Variants in DGKB observed in about 807,000 individuals in gnomAD.
DGKB encodes the protein diacylglycerol kinase beta.
In DGKB, 67 loss-of-function variants were observed where a neutral mutation model predicts 114.3. That is an observed-to-expected ratio of 0.59 (90% confidence interval 0.48 to 0.72). The LOEUF (loss-of-function observed/expected upper bound fraction) is 0.72, where lower values mean the gene tolerates loss of function less well. Ranked by LOEUF, DGKB falls within the 30% of genes least tolerant of loss-of-function variation. The pLI, the probability that DGKB is intolerant of heterozygous loss-of-function variation, is 0.00. For missense variants in DGKB, 907 were observed against 975.2 expected (o/e 0.93, Z 0.93); for synonymous variants, 398 against 323.1 (o/e 1.23, Z -2.49).
intron 13 of DGKB, among the ~76,000 whole-genome samples, chr7:14,647,128 T>C (rs1297909252): frequency 1.3e-5 from 2 of 151,904 alleles, no homozygotes; most frequent in African/African-American, 4.8e-5. Flanking sequence ...AAAGGAGACA[T>C]TACAACTGAT....
intron 12 of DGKB, among the ~76,000 whole-genome samples, chr7:14,676,964 C>CCATT (rs1819974786): frequency 6.6e-6 from 1 of 151,746 alleles, no homozygotes; most frequent in Admixed American, 6.6e-5. Context: ...CCAGAAATTC[C>CCATT]CATTCATGTT....
At chr7:14,321,868 T>A (rs1467219963) in intron 23 of DGKB, among the ~76,000 whole-genome samples, 2 of 152,104 alleles carry the variant, frequency 1.3e-5, no homozygotes, top group Non-Finnish European at 2.9e-5. Flanking sequence ...TAAACCATTA[T>A]AAGAAACTAA....
At chr7:14,640,753 C>T (rs73680204) in intron 13 of DGKB, among the ~76,000 whole-genome samples, 17 of 151,020 alleles carry the variant, frequency 1.1e-4, no homozygotes, top group African/African-American at 3.9e-4. Flanking sequence ...TGAGAATAAA[C>T]AAGCCATATT....
intron 2 of DGKB, among the ~76,000 whole-genome samples, chr7:14,809,059 G>A (rs190526543): frequency 6.6e-6 from 1 of 152,210 alleles, no homozygotes; most frequent in Non-Finnish European, 1.5e-5. Flanking sequence ...TCATGAGAAA[G>A]TGATAACTTT....
At chr7:14,249,526 G>A (rs1584722640) in intron 23 of DGKB, among the ~76,000 whole-genome samples, 1 of 151,938 alleles carries the variant, frequency 6.6e-6, no homozygotes, top group South Asian at 2.1e-4. Flanking sequence ...ACTCATTATT[G>A]GTCTGTTCGA....
At chr7:14,330,259 CA>C (rs952969455) in intron 23 of DGKB, among the ~76,000 whole-genome samples, 41 of 151,966 alleles carry the variant, frequency 2.7e-4, no homozygotes, top group African/African-American at 8.9e-4. Flanking sequence ...TTAAATTGAT[CA>C]ATAAACCATA....
intron 9 of DGKB, among the ~76,000 whole-genome samples, chr7:14,690,002 C>A (rs896183625): frequency 1.3e-5 from 2 of 152,120 alleles, no homozygotes; most frequent in African/African-American, 4.8e-5. Context: ...AAAGTATAAA[C>A]CATCCAGAAA....
chr7:14,815,610 C>T (rs1844021330), intron 2 of DGKB, among the ~76,000 whole-genome samples: 1 of 152,186 alleles, frequency 6.6e-6, no homozygotes, highest in South Asian at 2.1e-4. Context: ...AGTTATGTGC[C>T]TTGTTCTCTT....
At chr7:14,187,902 A>T (rs1473157767) in intron 23 of DGKB, among the ~76,000 whole-genome samples, 2 of 152,228 alleles carry the variant, frequency 1.3e-5, no homozygotes, top group African/African-American at 4.8e-5. Flanking sequence ...TATGATTTTA[A>T]GGAAACTGAG....
intron 13 of DGKB, among the ~76,000 whole-genome samples, chr7:14,633,168 A>G (rs1041031847): frequency 9.2e-5 from 14 of 152,002 alleles, no homozygotes; most frequent in Admixed American, 9.2e-4. Context: ...ACTGATAGAG[A>G]GCAAGTGAGG....
Position 14,841,795 on chromosome 7 carries a change from C to T in DGKB, c.-187-345G>A, listed in dbSNP as rs1387599543. Among the ~76,000 whole-genome samples the T allele has an allele frequency of 2.6e-5, 4 of 152,136 alleles. No individual in the cohort carries two copies. In the East Asian group the frequency reaches 5.8e-4, roughly 22 times the overall value. On this transcript the variant is annotated intron_variant, in intron 1 of 25. Transcript: ENST00000402815. ...ATTTGCTAGTTTACAGTATAGACTG[C>T]CAATAATTGCTTGGAATGTTCATCA...
chr7:14,696,883 C>T (rs1389635486), intron 8 of DGKB, among the ~76,000 whole-genome samples: 1 of 152,204 alleles, frequency 6.6e-6, no homozygotes, highest in Non-Finnish European at 1.5e-5. Context: ...AAAATGCTAT[C>T]AGAGTTCTTG....
chr7:14,449,096 C>G (rs569454623), intron 21 of DGKB, among the ~76,000 whole-genome samples: 12 of 152,126 alleles, frequency 7.9e-5, no homozygotes, highest in Non-Finnish European at 1.6e-4. Flanking sequence ...GAATCTATGT[C>G]TACCAAATAT....
At chr7:14,277,187 T>G (rs535715175) in intron 23 of DGKB, among the ~76,000 whole-genome samples, 1 of 151,970 alleles carries the variant, frequency 6.6e-6, no homozygotes, top group Admixed American at 6.6e-5. Context: ...TTTATTTTTT[T>G]TGAGACAGAG....
At chr7:14,519,049 G>T (rs987866151) in intron 20 of DGKB, among the ~76,000 whole-genome samples, 4 of 151,966 alleles carry the variant, frequency 2.6e-5, no homozygotes, top group Non-Finnish European at 5.9e-5. Context: ...TTAAATAAAA[G>T]GAATAAATTA....
chr7:14,247,647 C>CT (rs1794676590), intron 23 of DGKB, among the ~76,000 whole-genome samples: 1 of 151,998 alleles, frequency 6.6e-6, no homozygotes, highest in Non-Finnish European at 1.5e-5. Context: ...TGTATGTCTC[C>CT]TTTTGCAAAA....
intron 20 of DGKB, among the ~76,000 whole-genome samples, chr7:14,560,197 G>A (rs1171302682): frequency 1.3e-5 from 2 of 151,590 alleles, no homozygotes; most frequent in African/African-American, 4.9e-5. Context: ...ATTGTTGTAA[G>A]AACACAACAT....
chr7:14,577,427 C>A (rs1313522611), intron 19 of DGKB, among the ~76,000 whole-genome samples: 1 of 152,150 alleles, frequency 6.6e-6, no homozygotes, highest in Non-Finnish European at 1.5e-5. Flanking sequence ...ACCATTCTGG[C>A]TAACACGGTG....
intron 15 of DGKB, among the ~76,000 whole-genome samples, chr7:14,614,215 A>G (rs62445607): frequency 1.3e-5 from 2 of 152,138 alleles, no homozygotes; most frequent in African/African-American, 4.8e-5. Flanking sequence ...CCACGATGGG[A>G]AATAAAGCAG....
Sources: allele counts gnomAD v4.1 joint callset (sites outside exome capture counted in the v4.1 genomes callset), GRCh38; gene constraint gnomAD v4.1.1; transcripts MANE v1.5; gene names NCBI Gene and HGNC (gene_info 2026-07-23, HGNC 2026-07-21).